HECTD4: variants seen among roughly 807,000 people sequenced by gnomAD.
The protein encoded by HECTD4 is HECT domain E3 ubiquitin protein ligase 4.
HECTD4 carries 114 observed loss-of-function variants against 471.5 expected under a neutral mutation model. The ratio of observed to expected loss-of-function variants is 0.24; its 90% CI spans 0.21 to 0.28. The LOEUF (loss-of-function observed/expected upper bound fraction) is 0.28, where lower values mean the gene tolerates loss of function less well. HECTD4 is among the 10% of genes least tolerant of loss of function. The probability of loss-of-function intolerance (pLI) is 1.00; values close to 1 mark genes in which losing one functional copy is unlikely to be tolerated. For synonymous variants in HECTD4, 2,012 were observed against 2,256.0 expected, an observed-to-expected ratio of 0.89 and a Z score of 3.07; for missense variants, 3,866 against 5,651.5, an observed-to-expected ratio of 0.68 and a Z score of 10.13.
chr12:112,328,728 TG>T (rs1245962639), intron 1 of HECTD4, among the ~76,000 whole-genome samples: 5 of 152,228 alleles, frequency 3.3e-5, no homozygotes, highest in Non-Finnish European at 4.4e-5. Context: ...TTATCCAACT[TG>T]GAAATATGTG....
chr12:112,174,878 G>A (rs1185773488), intron 66 of HECTD4, among the ~76,000 whole-genome samples: 1 of 152,222 alleles, frequency 6.6e-6, no homozygotes, highest in African/African-American at 2.4e-5. Context: ...GATGCCAGGT[G>A]CACTTGCTGT....
At chr12:112,207,118 GTA>G (rs1220801443) in intron 52 of HECTD4, among the ~76,000 whole-genome samples, 8 of 141,674 alleles carry the variant, frequency 5.6e-5, no homozygotes, top group South Asian at 4.3e-4. Flanking sequence ...GTGTGTGTGT[GTA>G]TGTATGTATG....
chr12:112,250,229 G>A lies in HECTD4; in HGVS notation c.3865C>T (p.Pro1289Ser). The A allele has an allele frequency of 6.2e-7, 1 of 1,613,956 alleles. No homozygotes were observed. The highest frequency in any genetic ancestry group is 8.5e-7 in the Non-Finnish European group (1 of 1,179,870). Residue 1289 changes from proline (P) to serine (S), a missense_variant, in exon 25 of 76, where the codon CCT becomes TCT. Around this residue, in one of 16 missense-constraint regions of HECTD4, gnomAD observed 281 missense variants for 499.9 expected, o/e 0.56. Transcript: ENST00000682272. The part of the protein sequence containing the change: ...VPPVGNYFDL[P>S]RIRLPPGIMI... ...ATTCCTGGAGGCAGTCTGATCCGAGGCAGATCAAAGTAGTTTCCAACAGGA... is the reference window on the plus strand; with the variant it reads ...ATTCCTGGAGGCAGTCTGATCCGAGACAGATCAAAGTAGTTTCCAACAGGA...
In HECTD4 at chr12:112,204,562, T is replaced by C. The variant is rs1167670235; in HGVS notation, c.8193A>G (p.Pro2731=). ...EFLYEENGGI[P]RDLYLPTIED... is the part of the protein sequence containing the mutation. ...CAATGGTGGGAAGATAAAGGTCTCT[T>C]GGGATGCCACCATTCTCTTCGTAGA... Residue 2731 remains proline (P), a synonymous_variant, in exon 53 of 76, where the codon CCA becomes CCG. Transcript: ENST00000682272. 4.3e-6 allele frequency: 7 copies of C among 1,613,358 alleles called. No homozygotes were observed. Among genetic ancestry groups the C allele is most frequent in the Non-Finnish European group, 5.9e-6 (7 of 1,179,422 alleles).
intron 47 of HECTD4, 94 bp downstream of exon 47, chr12:112,216,679 G>C (rs1332222605): frequency 7.1e-7 from 1 of 1,412,016 alleles, no homozygotes; most frequent in Non-Finnish European, 9.7e-7. Context: ...AAACTCACTT[G>C]AAGACAGAAC....
intron 1 of HECTD4, among the ~76,000 whole-genome samples, chr12:112,332,684 T>C (rs1383411559): frequency 2.0e-5 from 3 of 152,026 alleles, no homozygotes; most frequent in Admixed American, 6.6e-5. Flanking sequence ...ATATAATCTT[T>C]ATTAAAGATT....
At chr12:112,198,271 G>T (rs961813429) in intron 55 of HECTD4, among the ~76,000 whole-genome samples, 2 of 152,248 alleles carry the variant, frequency 1.3e-5, no homozygotes, top group Non-Finnish European at 2.9e-5. Context: ...AGAGCTTTTT[G>T]AAGAGGTGAG....
At chr12:112,167,614 C>T in intron 71 of HECTD4, 76 bp from the exon 72 acceptor site, 1 of 1,249,472 alleles carries the variant, frequency 8.0e-7, no homozygotes, top group Non-Finnish European at 1.1e-6. Context: ...TTTCAAGCCA[C>T]CATACCCTGT....
intron 41 of HECTD4, 65 bp downstream of exon 41, chr12:112,229,629 GATCA>G: frequency 7.1e-7 from 1 of 1,416,812 alleles, no homozygotes; most frequent in Non-Finnish European, 9.7e-7. Flanking sequence ...TCTTACAGAT[GATCA>G]ATTAATTAAT....
chr12:112,373,501 G>A (rs935177688), intron 1 of HECTD4, among the ~76,000 whole-genome samples: 1 of 152,002 alleles, frequency 6.6e-6, no homozygotes, highest in Non-Finnish European at 1.5e-5. Flanking sequence ...CAGCCTGGGC[G>A]ACAAAGTAAG....
chr12:112,301,797 G>T, intron 7 of HECTD4: 1 of 524,918 alleles, frequency 1.9e-6, no homozygotes, highest in South Asian at 2.1e-5. Context: ...TCTTCAGCTA[G>T]CTGTTTTTTT....
intron 7 of HECTD4, among the ~76,000 whole-genome samples, chr12:112,290,638 G>A (rs947828971): frequency 6.6e-6 from 1 of 151,228 alleles, no homozygotes; most frequent in Non-Finnish European, 1.5e-5. Context: ...ACCTGAGGTC[G>A]GAAGTTTGAG....
rs745863963 is a variant in HECTD4 at position 112,192,618 on chromosome 12, G to T, written c.9234C>A (p.Pro3078=). 7 of 1,608,340 alleles carry T rather than the reference G, an allele frequency of 4.4e-6. No homozygotes were observed. The highest frequency in any genetic ancestry group is 2.7e-5 in the African/African-American group (2 of 74,884). The part of the protein sequence containing the change: ...SPANTGLAPP[P]TADQYPSVVL... ...CCACAGAGGGGTACTGGTCAGCGGT[G>T]GGGGGAGGTGCAAGCCCAGTGTTGG... The change falls in exon 59 of 76, where the codon CCC becomes CCA. Residue 3078 remains proline (P), a synonymous_variant. Coordinates refer to ENST00000682272, the MANE Select transcript of HECTD4 (RefSeq NM_001388303.1).
intron 1 of HECTD4, among the ~76,000 whole-genome samples, chr12:112,375,679 T>C (rs540748628): frequency 7.9e-5 from 12 of 152,320 alleles, no homozygotes; most frequent in African/African-American, 1.7e-4. Context: ...TAATGTTCTA[T>C]GAAATGCAAT....
At chr12:112,215,637 TTCTC>T (rs760014026) in intron 48 of HECTD4, among the ~76,000 whole-genome samples, 2 of 151,844 alleles carry the variant, frequency 1.3e-5, no homozygotes, top group Non-Finnish European at 2.9e-5. Flanking sequence ...AATAAGGCAT[TTCTC>T]TCTCTCTCTG....
rs369275260 is a variant in HECTD4 at position 112,167,437 on chromosome 12, C to T, written c.12414G>A (p.Pro4138=). 8.2e-5 allele frequency: 132 copies of T among 1,613,504 alleles called. 1 individual carries two copies. The highest frequency in any genetic ancestry group is 1.3e-4 in the South Asian group (12 of 91,062). The change falls in exon 72 of 76, where the codon CCG becomes CCA. Residue 4138 remains proline, a synonymous_variant. Transcript: ENST00000682272. ...LLGIAIRADV[P]LPLDLLPSFW... ...AGGAGGGCAGGAGGTCCAGGGGCAG[C>T]GGGACGTCTGCCCGAATTGCAATCC...
At chr12:112,266,024 C>G (rs532844209) in intron 14 of HECTD4, 41 bp from the exon 15 acceptor site, 1 of 1,365,654 alleles carries the variant, frequency 7.3e-7, no homozygotes, top group Non-Finnish European at 1.0e-6. Flanking sequence ...CTGGTAATGA[C>G]TCCTAGAATA....
At chr12:112,281,333 T>G (rs1291854860) in intron 8 of HECTD4, among the ~76,000 whole-genome samples, 1 of 152,090 alleles carries the variant, frequency 6.6e-6, no homozygotes, top group Non-Finnish European at 1.5e-5. Context: ...TTCTACCAAA[T>G]TCTAGTATAT....
At chr12:112,192,526 CT>C in intron 59 of HECTD4, 33 bp downstream of exon 59, 1 of 1,443,832 alleles carries the variant, frequency 6.9e-7, no homozygotes, top group Non-Finnish European at 9.3e-7. Flanking sequence ...ATGACTCCAG[CT>C]GTTCTCATCA....
Sources: gnomAD v4.1 joint callset for allele counts (sites outside exome capture counted in the v4.1 genomes callset) on GRCh38, gnomAD v4.1.1 for gene constraint, gnomAD v4.1.1 regional missense constraint, MANE v1.5 for transcripts, NCBI Gene and HGNC (gene_info 2026-07-23, HGNC 2026-07-21) for gene names.